INTS1: variants seen among roughly 807,000 people sequenced by gnomAD.
INTS1 encodes the protein integrator complex subunit 1.
INTS1 carries 137 observed loss-of-function variants against 241.6 expected under a neutral mutation model. The observed-to-expected ratio is 0.57, with a 90% confidence interval of 0.49 to 0.65. The LOEUF (loss-of-function observed/expected upper bound fraction) is 0.65, where lower values mean the gene tolerates loss of function less well. Among genes scored for constraint, INTS1 ranks in the 30% least tolerant of loss-of-function variants. INTS1 has a pLI of 0.00. For synonymous variants in INTS1, 1,692 were observed against 1,337.8 expected (o/e 1.26, Z -5.78); for missense variants, 3,073 against 3,032.2 (o/e 1.01, Z -0.32).
chr7:1,472,385 C>T lies in INTS1; in HGVS notation c.6072G>A (p.Glu2024=), dbSNP rs762063079. ...GGGGCAAGGAGCCGGCTGAGCTCTCCTCTGGAAGACAGTGGCAGTGCTGCA... is the reference window on the plus strand; with the variant it reads ...GGGGCAAGGAGCCGGCTGAGCTCTCTTCTGGAAGACAGTGGCAGTGCTGCA... ...TDRGLDEEGE[E]ESSAGSLPLV... The change falls in exon 44 of 48, where the codon GAG becomes GAA. Residue 2024 remains glutamate, a splice_region_variant and synonymous_variant. Transcript: ENST00000404767. 3 of 1,540,662 alleles carry T rather than the reference C, an allele frequency of 1.9e-6. No individual in the cohort carries two copies. In the Admixed American group the frequency reaches 5.8e-5, roughly 30 times the overall value.
intron 16 of INTS1, among the ~76,000 whole-genome samples, chr7:1,492,069 C>T (rs929265682): frequency 2.0e-5 from 3 of 152,148 alleles, no homozygotes; most frequent in South Asian, 4.1e-4. Context: ...GTGGGGCAGC[C>T]GCTGGGGAGG....
At position 1,479,495 on chromosome 7, in the gene INTS1, C is replaced by A; in HGVS notation, c.4264G>T (p.Val1422Leu). ...AAGTGGCTACGGTGCATGGACATCA[C>A]CAGGGCACCGCCGTGTGGGGAGCTG... is the stretch of plus-strand genomic sequence containing the variant. ...LLSSPHGGAL[V>L]MSMHRSHFLA... Residue 1422 changes from valine to leucine, a missense_variant, in exon 31 of 48, where the codon GTG becomes TTG. Val to Leu is a conservative substitution (Grantham distance 32). Transcript: ENST00000404767. 2 of 1,574,280 alleles carry A rather than the reference C, an allele frequency of 1.3e-6. No individual in the cohort carries two copies. The highest frequency in any genetic ancestry group is 1.7e-6 in the Non-Finnish European group (2 of 1,161,120).
At chr7:1,494,692 G>T in intron 14 of INTS1, 124 bp downstream of exon 14, 1 of 892,870 alleles carries the variant, frequency 1.1e-6, no homozygotes. Flanking sequence ...GGAGGAGCAG[G>T]ATGGTGCTGT....
chr7:1,493,181 C>G lies in INTS1; in HGVS notation c.2069-75G>C. On this transcript the variant is annotated intron_variant, in intron 15 of 47. Transcript: ENST00000404767. The surrounding 1 kb of genome is among the most constrained non-coding windows in gnomAD (Gnocchi z 5.3). ...GGCACAGGCAGCGAGGGAACCGGCC[C>G]TGCTCGGGCCGCGTCGGGGTGGGGT... The G allele has an allele frequency of 9.3e-7, 1 of 1,077,390 alleles. No individual in the cohort carries two copies. Among genetic ancestry groups the G allele is most frequent in the Non-Finnish European group, 1.4e-6 (1 of 739,468 alleles). 66.7% of individuals were successfully genotyped at this position (1,077,390 alleles called of 1,614,324 possible). A position where few individuals can be genotyped will look rare whatever the true frequency, so the allele number is the denominator to read the frequency against.
chr7:1,489,402 G>T lies in INTS1; in HGVS notation c.2260C>A (p.Leu754Met). The T allele has an allele frequency of 9.9e-7, 1 of 1,009,726 alleles. No individual in the cohort carries two copies. Among genetic ancestry groups the T allele is most frequent in the Non-Finnish European group, 1.2e-6 (1 of 848,380 alleles). The allele number at this position is 1,009,726 out of a possible 1,614,324, so 62.5% of individuals were successfully genotyped here. The change falls in exon 18 of 48, where the codon CTG becomes ATG. Residue 754 changes from leucine to methionine, a missense_variant and splice_region_variant. By Grantham distance (15) the Leu-to-Met change is conservative. Coordinates refer to ENST00000404767, the MANE Select transcript of INTS1 (RefSeq NM_001080453.3). ...GTCGGGTACTCCTCCCACGCAGCCAGGCCTAGGGAACCGGAGGGTGTGGGG... is the reference window on the plus strand; with the variant it reads ...GTCGGGTACTCCTCCCACGCAGCCATGCCTAGGGAACCGGAGGGTGTGGGG... ...VAAFNPENIG[L>M]AAWEEYPTLK...
At chr7:1,488,984 TA>T (rs1201195475) in intron 18 of INTS1, among the ~76,000 whole-genome samples, 1 of 152,178 alleles carries the variant, frequency 6.6e-6, no homozygotes, top group Non-Finnish European at 1.5e-5. Context: ...CCATCCTGTC[TA>T]ACCCATCTCT....
At chr7:1,498,682 C>T (rs775987040) in intron 9 of INTS1, 25 bp downstream of exon 9, 20 of 1,547,430 alleles carry the variant, frequency 1.3e-5, no homozygotes, top group South Asian at 2.4e-5. Context: ...CCCGCACCCC[C>T]GCTCTGCCCC....
chr7:1,476,714 C>A, intron 36 of INTS1, 57 bp from the exon 37 acceptor site: 2 of 1,612,174 alleles, frequency 1.2e-6, no homozygotes, highest in South Asian at 1.1e-5. Flanking sequence ...ATGGGAGATA[C>A]CAGTCAGAGC....
intron 22 of INTS1, 138 bp from the exon 23 acceptor site, chr7:1,485,607 G>T: frequency 1.2e-6 from 1 of 857,266 alleles, no homozygotes; most frequent in Non-Finnish European, 1.8e-6. Context: ...GAGGCCGCAG[G>T]TAAAAGGGAA....
Position 1,487,924 on chromosome 7 carries a change from A to C in INTS1, c.2352T>G (p.Asp784Glu). The C allele has an allele frequency of 6.2e-7, 1 of 1,613,336 alleles. No individual in the cohort carries two copies. The highest frequency in any genetic ancestry group is 8.5e-7 in the Non-Finnish European group (1 of 1,179,814). ...NYSYPPCTLT[D>E]EETRTEMLNR... ...TCAGCATCTCCGTCCGGGTCTCCTC[A>C]TCCGTCAGGGTGCACGGTGGGTAGG... is the stretch of plus-strand genomic sequence containing the variant. Residue 784 changes from aspartate (D) to glutamate (E), a missense_variant, in exon 19 of 48, where the codon GAT becomes GAG. By Grantham distance (45) the Asp-to-Glu change is conservative. Coordinates refer to ENST00000404767, the MANE Select transcript of INTS1 (RefSeq NM_001080453.3).
rs1162809128 is a variant in INTS1, at chr7:1,474,720, G to A, written c.5621C>T (p.Pro1874Leu). The A allele has an allele frequency of 3.2e-6, 5 of 1,561,546 alleles. No homozygotes were observed. The highest frequency in any genetic ancestry group is 3.5e-6 in the Non-Finnish European group (4 of 1,155,068). Residue 1874 changes from proline (P) to leucine (L), a missense_variant, in exon 40 of 48, where the codon CCG becomes CTG. By Grantham distance (98) the Pro-to-Leu change is moderately conservative. Transcript: ENST00000404767. Reference protein sequence around the residue: ...MACRKLAVAHPLLLLRHLPMI... With the variant: ...MACRKLAVAHLLLLLRHLPMI... The stretch of plus-strand genomic sequence containing the variant: ...GGGACAGCACCTGAGCAGCAGCAGC[G>A]GGTGCGCCACCGCCAGCTTCCGGCA...
In INTS1 at chr7:1,480,307, G is replaced by A; in HGVS notation, c.4074+10C>T. ...TGCAGGTGGAGACCCACATGCAGCA[G>A]CAACGCTACCTGGAGGAACATGCCA... is the stretch of plus-strand genomic sequence containing the variant. On this transcript the variant is annotated intron_variant, in intron 30 of 47. Coordinates refer to ENST00000404767, the MANE Select transcript of INTS1 (RefSeq NM_001080453.3). 1.9e-6 allele frequency: 3 copies of A among 1,598,032 alleles called. No homozygotes were observed. Among genetic ancestry groups the A allele is most frequent in the South Asian group, 1.1e-5 (1 of 90,192 alleles).
chr7:1,471,380 C>G (rs780544491), intron 45 of INTS1, among the ~76,000 whole-genome samples, 156 bp from the exon 46 acceptor site: 7 of 152,184 alleles, frequency 4.6e-5, no homozygotes, highest in Non-Finnish European at 2.9e-5. Flanking sequence ...GGTCCCAGCC[C>G]GGGGCTGAAG....
intron 14 of INTS1, chr7:1,494,335 G>A (rs776195044): frequency 5.5e-5 from 14 of 253,362 alleles, no homozygotes; most frequent in Non-Finnish European, 8.5e-5. Flanking sequence ...CACGAGGTGG[G>A]GGCAGGGTGA....
chr7:1,482,438 G>C lies in INTS1; in HGVS notation c.3703+108C>G, dbSNP rs563504905. 59 of 1,146,602 alleles carry C rather than the reference G, an allele frequency of 5.1e-5. No individual in the cohort carries two copies. The South Asian group carries it at 8.7e-4, about 17-fold the overall frequency. The allele number at this position is 1,146,602 out of a possible 1,614,324, so 71.0% of individuals were successfully genotyped here. On this transcript the variant is annotated intron_variant, in intron 27 of 47. Coordinates refer to ENST00000404767, the MANE Select transcript of INTS1 (RefSeq NM_001080453.3). ...AGGATCCCCTGAGGCTACCCGGCCA[G>C]TCTTCTCCTCTGCCACAGCCGGAGG... is the stretch of plus-strand genomic sequence containing the variant.
At chr7:1,479,355 G>A in intron 31 of INTS1, 75 bp downstream of exon 31, 1 of 1,484,954 alleles carries the variant, frequency 6.7e-7, no homozygotes, top group Non-Finnish European at 9.0e-7. Context: ...AGCAGTCACA[G>A]GACACCCGGG....
At chr7:1,494,601 C>T (rs1377717396) in intron 14 of INTS1, 8 of 610,180 alleles carry the variant, frequency 1.3e-5, no homozygotes, top group South Asian at 1.9e-5. Flanking sequence ...GTCACGTGGA[C>T]GCAGACGGCA....
At chr7:1,498,266 G>C in intron 10 of INTS1, 146 bp downstream of exon 10, 1 of 1,267,116 alleles carries the variant, frequency 7.9e-7, no homozygotes, top group Non-Finnish European at 1.1e-6. Flanking sequence ...ATGCCCACGT[G>C]AGTTTCAAAA....
chr7:1,478,035 T>C, intron 33 of INTS1, 99 bp from the exon 34 acceptor site: 1 of 1,002,790 alleles, frequency 1.0e-6, no homozygotes, highest in Non-Finnish European at 1.5e-6. Context: ...GGTGAGCATG[T>C]GTGGGACACA....
Sources: allele counts gnomAD v4.1 joint callset (sites outside exome capture counted in the v4.1 genomes callset), GRCh38; gene constraint gnomAD v4.1.1; non-coding constraint Gnocchi (gnomAD v3.1); transcripts MANE v1.5; gene names NCBI Gene and HGNC (gene_info 2026-07-23, HGNC 2026-07-21).